The following ALPK1 variants were observed in gnomAD, a reference collection of about 807,000 sequenced individuals.
ALPK1 encodes the protein alpha-protein kinase 1.
In ALPK1, 110 loss-of-function variants were observed where a neutral mutation model predicts 120.6. The ratio of observed to expected loss-of-function variants is 0.91; its 90% CI spans 0.78 to 1.07. The LOEUF (loss-of-function observed/expected upper bound fraction) is 1.07. Ranked by LOEUF, ALPK1 falls within the 50% of genes least tolerant of loss-of-function variation. The pLI, the probability that ALPK1 is intolerant of heterozygous loss-of-function variation, is 0.00. For missense variants in ALPK1, 1,498 were observed against 1,483.9 expected (o/e 1.01, Z -0.16); for synonymous variants, 582 against 560.3 (o/e 1.04, Z -0.55).
At chr4:112,317,390 G>A (rs1367648399) in intron 2 of ALPK1, among the ~76,000 whole-genome samples, 1 of 151,934 alleles carries the variant, frequency 6.6e-6, no homozygotes, top group Non-Finnish European at 1.5e-5. Context: ...TGTGTCTTTG[G>A]TCCATTATGA....
At chr4:112,403,419 GA>G (rs1479243913) in intron 4 of ALPK1, among the ~76,000 whole-genome samples, 1 of 152,206 alleles carries the variant, frequency 6.6e-6, no homozygotes, top group African/African-American at 2.4e-5. Flanking sequence ...AAAAGGGAAA[GA>G]GAAAAGAAAA....
intron 4 of ALPK1, among the ~76,000 whole-genome samples, chr4:112,386,876 G>A (rs371805256): frequency 6.6e-6 from 1 of 152,130 alleles, no homozygotes; most frequent in Admixed American, 6.5e-5. Context: ...AATTTCAAGG[G>A]AAAGTAAGCG....
At chr4:112,358,780 T>A in intron 2 of ALPK1, 1 of 825,186 alleles carries the variant, frequency 1.2e-6, no homozygotes. Flanking sequence ...ACGGCCAAGC[T>A]CTTCATGGTG....
intron 1 of ALPK1, among the ~76,000 whole-genome samples, chr4:112,302,789 C>G (rs1354497097): frequency 6.6e-6 from 1 of 152,126 alleles, no homozygotes; most frequent in African/African-American, 2.4e-5. Context: ...TCTTGGTCTA[C>G]TTCCCTTTCT....
chr4:112,320,396 A>G (rs1044656701), intron 2 of ALPK1, among the ~76,000 whole-genome samples: 1 of 152,198 alleles, frequency 6.6e-6, no homozygotes, highest in Non-Finnish European at 1.5e-5. Context: ...TATGAAACCC[A>G]CTTTATCATG....
At chr4:112,356,415 A>C in intron 2 of ALPK1, 1 of 862,300 alleles carries the variant, frequency 1.2e-6, no homozygotes, top group East Asian at 2.4e-5. Context: ...TGCTGCTGAT[A>C]ATGGAGACCC....
At chr4:112,396,412 G>A (rs908355513) in intron 4 of ALPK1, among the ~76,000 whole-genome samples, 3 of 152,076 alleles carry the variant, frequency 2.0e-5, no homozygotes, top group South Asian at 2.1e-4. Context: ...TATATAAACC[G>A]CAATACAGCT....
intron 2 of ALPK1, among the ~76,000 whole-genome samples, chr4:112,361,021 A>G (rs1376068150): frequency 6.6e-6 from 1 of 152,178 alleles, no homozygotes; most frequent in East Asian, 1.9e-4. Context: ...TTGCACATCC[A>G]CAGACTTAAC....
intron 4 of ALPK1, among the ~76,000 whole-genome samples, chr4:112,404,279 C>T (rs138547727): frequency 1.3e-5 from 2 of 152,332 alleles, no homozygotes; most frequent in Admixed American, 6.5e-5. Context: ...GTTTATACCT[C>T]GTCATACAAG....
In ALPK1 at chr4:112,335,023, C is replaced by T. The variant is rs559573984; in HGVS notation, c.-101+19171C>T. On this transcript the variant is annotated intron_variant, in intron 2 of 15. Transcript: ENST00000650871. ...CCTGTAATCCCAGCACTTGGGAGGC[C>T]GAGGAGGGCGGATCACCTGAGGTCA... 5.9e-5 allele frequency among the ~76,000 whole-genome samples: 9 copies of T among 152,076 alleles called. No homozygotes were observed. In the South Asian group the frequency reaches 1.2e-3, roughly 21 times the overall value.
At position 112,430,576 on chromosome 4, in the gene ALPK1, G is replaced by T. The variant is rs1466414532; in HGVS notation, c.1029G>T (p.Glu343Asp). 6.2e-7 allele frequency: 1 copy of T among 1,614,060 alleles called. No homozygotes were observed. The highest frequency in any genetic ancestry group is 1.3e-5 in the African/African-American group (1 of 74,922). The change falls in exon 11 of 16, where the codon GAG becomes GAT. Residue 343 changes from glutamate to aspartate, a missense_variant. Physicochemically the swap from Glu to Asp is conservative, Grantham distance 45. Transcript: ENST00000650871. ...EIGLLTKRDDEPVTGKQELHS... is the reference protein window; with the variant it reads ...EIGLLTKRDDDPVTGKQELHS... ...GCCTCCTCACCAAGAGAGATGATGA[G>T]CCTGTTACTGGAAAACAGGAGCTTC...
intron 3 of ALPK1, among the ~76,000 whole-genome samples, chr4:112,381,866 A>G (rs573125262): frequency 6.6e-6 from 1 of 152,354 alleles, no homozygotes; most frequent in East Asian, 1.9e-4. Context: ...GGGCCATTTC[A>G]CAATTAATTT....
chr4:112,406,353 T>C (rs1733173045), intron 4 of ALPK1, among the ~76,000 whole-genome samples: 1 of 152,338 alleles, frequency 6.6e-6, no homozygotes, highest in South Asian at 2.1e-4. Flanking sequence ...CTTGAATATA[T>C]CATGCTAAAT....
At chr4:112,357,677 C>T in intron 2 of ALPK1, 1 of 1,599,206 alleles carries the variant, frequency 6.3e-7, no homozygotes, top group Non-Finnish European at 8.6e-7. Flanking sequence ...CCCAGAGGCC[C>T]CGACGGAGCC....
Position 112,426,599 on chromosome 4 carries a change from T to C in ALPK1, c.699+56T>C, listed in dbSNP as rs1357026053. 42 of 1,362,638 alleles carry C rather than the reference T, an allele frequency of 3.1e-5. 1 individual carries two copies. The highest frequency in any genetic ancestry group is 7.9e-6 in the Non-Finnish European group (8 of 1,015,154). The allele number at this position is 1,362,638 out of a possible 1,614,324, so 84.4% of individuals were successfully genotyped here. On this transcript the variant is annotated intron_variant, in intron 8 of 15. Transcript: ENST00000650871. ...TCCTGTATTTGTCTTTGGATGATTA[T>C]CTCTTCATGACAGAAGTCCATTTCT... is the stretch of plus-strand genomic sequence containing the variant.
At chr4:112,357,351 G>A (rs1578495661) in intron 2 of ALPK1, 2 of 757,286 alleles carry the variant, frequency 2.6e-6, no homozygotes, top group Non-Finnish European at 4.5e-6. Context: ...TCCGAGAATG[G>A]CCCTGGTTCC....
At chr4:112,375,196 T>A (rs1731597772) in intron 2 of ALPK1, among the ~76,000 whole-genome samples, 1 of 151,120 alleles carries the variant, frequency 6.6e-6, no homozygotes, top group Admixed American at 6.6e-5. Context: ...TTTTTTTTTT[T>A]TTGAGACAGA....
intron 4 of ALPK1, among the ~76,000 whole-genome samples, chr4:112,388,342 A>G (rs1732244434): frequency 6.6e-6 from 1 of 152,210 alleles, no homozygotes; most frequent in African/African-American, 2.4e-5. Context: ...GGGATGGAGG[A>G]GAGACTTTAG....
At chr4:112,315,754 T>A (rs1728607916) in intron 1 of ALPK1, 47 bp from the exon 2 acceptor site, 3 of 152,352 alleles carry the variant, frequency 2.0e-5, no homozygotes, top group Middle Eastern at 6.8e-3. Flanking sequence ...GATTATTCCA[T>A]CTTCTTATAA....
Sources: allele counts gnomAD v4.1 joint callset (sites outside exome capture counted in the v4.1 genomes callset), GRCh38; gene constraint gnomAD v4.1.1; transcripts MANE v1.5; gene names NCBI Gene and HGNC (gene_info 2026-07-23, HGNC 2026-07-21).